The following WDPCP variants were observed in gnomAD, a reference collection of about 807,000 sequenced individuals.
WDPCP encodes the protein WD repeat-containing and planar cell polarity effector protein fritz homolog.
In WDPCP, 71 loss-of-function variants were observed where a neutral mutation model predicts 93.1. The ratio of observed to expected loss-of-function variants is 0.76; its 90% CI spans 0.63 to 0.93. WDPCP has a LOEUF of 0.93. Ranked by LOEUF, WDPCP falls within the 40% of genes least tolerant of loss-of-function variation. The pLI, the probability that WDPCP is intolerant of heterozygous loss-of-function variation, is 0.00. For synonymous variants in WDPCP, 315 were observed against 315.0 expected, an observed-to-expected ratio of 1.00 and a Z score of 0.00; for missense variants, 844 against 887.4, an observed-to-expected ratio of 0.95 and a Z score of 0.62.
chr2:63,380,252 G>A (rs1166524108), intron 11 of WDPCP, among the ~76,000 whole-genome samples: 1 of 150,396 alleles, frequency 6.6e-6, no homozygotes, highest in Non-Finnish European at 1.5e-5. Context: ...TTTTTTTTAA[G>A]TATACACTCA....
At chr2:63,584,908 C>G (rs530997134) in intron 1 of WDPCP, among the ~76,000 whole-genome samples, 6 of 152,182 alleles carry the variant, frequency 3.9e-5, no homozygotes, top group African/African-American at 1.4e-4. Context: ...CAAACAGAAT[C>G]CTGATGAATA....
intron 2 of WDPCP, among the ~76,000 whole-genome samples, chr2:63,676,233 C>T (rs262528): frequency 0.81 from 123,863 of 152,212 alleles, 50,985 homozygotes; most frequent in East Asian, 0.98. Context: ...AAAGGGGAGC[C>T]GGGCATTTCG....
At chr2:63,439,716 C>T in intron 7 of WDPCP, 41 bp downstream of exon 7, 1 of 1,555,300 alleles carries the variant, frequency 6.4e-7, no homozygotes, top group South Asian at 1.1e-5. Flanking sequence ...TCCTGCCCCA[C>T]TGTTAATGTA....
At chr2:63,658,128 T>C (rs1274239147) in intron 2 of WDPCP, among the ~76,000 whole-genome samples, 1 of 152,192 alleles carries the variant, frequency 6.6e-6, no homozygotes, top group East Asian at 1.9e-4. Context: ...CTGAGTAGTG[T>C]TCTACAACTC....
chr2:63,629,669 T>G (rs1709844543), intron 3 of WDPCP, among the ~76,000 whole-genome samples: 2 of 152,166 alleles, frequency 1.3e-5, no homozygotes, highest in African/African-American at 4.8e-5. Context: ...AGTGGAGAGT[T>G]GGAACTTCCA....
intron 14 of WDPCP, among the ~76,000 whole-genome samples, chr2:63,210,511 T>A (rs1676692126): frequency 6.6e-6 from 1 of 152,196 alleles, no homozygotes; most frequent in Admixed American, 6.5e-5. Flanking sequence ...AGCTCCAGTC[T>A]ACATTTCCCA....
At chr2:63,241,469 T>C (rs1679853548) in intron 14 of WDPCP, among the ~76,000 whole-genome samples, 2 of 152,234 alleles carry the variant, frequency 1.3e-5, no homozygotes, top group South Asian at 4.1e-4. Flanking sequence ...ACTGCTTTTG[T>C]AGCTTCAGTT....
In WDPCP at chr2:63,612,644, C is replaced by T. The variant is rs566349774; in HGVS notation, n.488+38015G>A. ...TTCCACAGTTTACCACCCTTGAAAG[C>T]TTAAAACCTTTTCCTTTGTCTTGTC... On this transcript the variant is annotated intron_variant and non_coding_transcript_variant, in intron 3 of 4. Coordinates refer to the WDPCP transcript ENST00000467687. 2.0e-5 allele frequency among the ~76,000 whole-genome samples: 3 copies of T among 152,310 alleles called. No homozygotes were observed. The South Asian group carries it at 6.2e-4, about 32-fold the overall frequency.
chr2:63,465,033 ACAGTAC>A (rs548143410), intron 6 of WDPCP, among the ~76,000 whole-genome samples: 185 of 152,246 alleles, frequency 1.2e-3, no homozygotes, highest in South Asian at 7.5e-3. Flanking sequence ...TTTTAAAAAC[ACAGTAC>A]CATATGTTTT....
intron 1 of WDPCP, among the ~76,000 whole-genome samples, chr2:63,501,262 T>G (rs1292847290): frequency 6.6e-6 from 1 of 152,102 alleles, no homozygotes; most frequent in African/African-American, 2.4e-5. Flanking sequence ...CCTAAAAGTG[T>G]GCAAAAAATG....
intron 3 of WDPCP, chr2:63,604,744 A>G: frequency 6.2e-7 from 1 of 1,614,172 alleles, no homozygotes; most frequent in Non-Finnish European, 8.5e-7. Context: ...GAATGTCATT[A>G]TCTGGGGAAA....
At chr2:63,735,472 A>C (rs1003057885) in intron 2 of WDPCP, among the ~76,000 whole-genome samples, 1 of 152,202 alleles carries the variant, frequency 6.6e-6, no homozygotes, top group Non-Finnish European at 1.5e-5. Context: ...AGGATGGGAA[A>C]CAGGGTTGAG....
intron 4 of WDPCP, among the ~76,000 whole-genome samples, chr2:63,485,850 A>C (rs957584155): frequency 2.6e-5 from 4 of 151,804 alleles, no homozygotes; most frequent in Non-Finnish European, 5.9e-5. Context: ...ATAGATACTT[A>C]AATTTAAGAG....
intron 2 of WDPCP, among the ~76,000 whole-genome samples, chr2:63,727,804 T>C (rs928917090): frequency 6.6e-6 from 1 of 152,230 alleles, no homozygotes; most frequent in Non-Finnish European, 1.5e-5. Flanking sequence ...TAGGAAATTA[T>C]GCATTTCTTC....
chr2:63,770,561 A>T (rs1181142053), intron 2 of WDPCP, among the ~76,000 whole-genome samples: 1 of 152,002 alleles, frequency 6.6e-6, no homozygotes, highest in East Asian at 1.9e-4. Flanking sequence ...AACAAACAAA[A>T]AAACAAAATT....
At chr2:63,839,389 C>A in the WDPCP span, among the ~76,000 whole-genome samples, 1 of 152,172 alleles carries the variant, frequency 6.6e-6, no homozygotes, top group East Asian at 1.9e-4. Flanking sequence ...GAAACCCCGC[C>A]TCTACTAAAA....
chr2:63,322,966 C>T (rs1261941044), intron 12 of WDPCP, among the ~76,000 whole-genome samples: 1 of 152,244 alleles, frequency 6.6e-6, no homozygotes, highest in Non-Finnish European at 1.5e-5. Flanking sequence ...GTCAGGCTTT[C>T]TGGGAAAGGC....
At chr2:63,425,976 A>C (rs1004673072) in intron 9 of WDPCP, among the ~76,000 whole-genome samples, 7 of 152,200 alleles carry the variant, frequency 4.6e-5, no homozygotes, top group African/African-American at 1.7e-4. Flanking sequence ...GGGCCTAGAC[A>C]GAAGGGTCAG....
At chr2:63,366,252 A>G (rs970046449) in intron 12 of WDPCP, among the ~76,000 whole-genome samples, 1 of 152,154 alleles carries the variant, frequency 6.6e-6, no homozygotes, top group African/African-American at 2.4e-5. Context: ...TTAAGGAATG[A>G]AAAAACTCTT....
Sources: gnomAD v4.1 joint callset for allele counts (sites outside exome capture counted in the v4.1 genomes callset) on GRCh38, gnomAD v4.1.1 for gene constraint, MANE v1.5 for transcripts, NCBI Gene and HGNC (gene_info 2026-07-23, HGNC 2026-07-21) for gene names.